Variants in CEP126 observed in about 807,000 individuals in gnomAD.
CEP126 encodes the protein centrosomal protein 126.
A neutral mutation model predicts 107.8 loss-of-function variants in CEP126; 74 were observed. That is an observed-to-expected ratio of 0.69 (90% CI 0.57 to 0.83). The LOEUF is 0.83. CEP126 is among the 40% of genes least tolerant of loss of function. The pLI is 0.00. For synonymous variants in CEP126, 449 were observed against 446.0 expected, an observed-to-expected ratio of 1.01 and a Z score of -0.08; for missense variants, 1,237 against 1,281.9, an observed-to-expected ratio of 0.96 and a Z score of 0.53.
intron 2 of CEP126, among the ~76,000 whole-genome samples, chr11:101,924,664 C>T (rs1235655620): frequency 2.0e-5 from 3 of 152,082 alleles, no homozygotes; most frequent in African/African-American, 4.8e-5. Flanking sequence ...GACAAGGTTT[C>T]GCCATGTTGG....
intron 2 of CEP126, among the ~76,000 whole-genome samples, chr11:101,936,049 A>T (rs1940573932): frequency 6.6e-6 from 1 of 152,126 alleles, no homozygotes. Context: ...TTTCCCTATA[A>T]ATAAATCTGC....
In CEP126 at chr11:101,948,064, C is replaced by A. The variant is rs141137406; in HGVS notation, c.428C>A (p.Ala143Asp). The A allele has an allele frequency of 4.0e-5, 64 of 1,611,460 alleles. 1 individual carries two copies. In the African/African-American group the frequency reaches 6.0e-4, roughly 15 times the overall value. The change falls in exon 4 of 11, where the codon GCC becomes GAC. Residue 143 changes from alanine (A) to aspartate (D), a missense_variant. Around this residue, in one of 3 missense-constraint regions of CEP126, gnomAD observed 1,134 missense variants for 1,150.5 expected, o/e 0.99. Coordinates refer to ENST00000263468, the MANE Select transcript of CEP126 (RefSeq NM_020802.4). ...AAACCAGTTCCTCCATTAGAAGAGG[C>A]CCTCAAACAAATTCAGGAATCCAAC... ...SRKPVPPLEE[A>D]LKQIQESNLK...
At chr11:101,993,178 T>C (rs559142491) in intron 10 of CEP126, among the ~76,000 whole-genome samples, 36 of 152,248 alleles carry the variant, frequency 2.4e-4, no homozygotes, top group African/African-American at 8.2e-4. Context: ...GAGTACCTGA[T>C]AGGTAGTTTT....
chr11:101,971,458 C>CAGTTA, intron 6 of CEP126, among the ~76,000 whole-genome samples: 1 of 152,098 alleles, frequency 6.6e-6, no homozygotes, highest in Non-Finnish European at 1.5e-5. Context: ...AAATCAAAAC[C>CAGTTA]AGTTAAGTTC....
chr11:101,984,852 A>G (rs1377419168), intron 8 of CEP126, among the ~76,000 whole-genome samples: 1 of 152,204 alleles, frequency 6.6e-6, no homozygotes, highest in Non-Finnish European at 1.5e-5. Context: ...AAAAAAATAA[A>G]ATACAGTGTA....
intron 6 of CEP126, among the ~76,000 whole-genome samples, chr11:101,964,139 C>G (rs765940322): frequency 6.6e-6 from 1 of 150,422 alleles, no homozygotes; most frequent in Non-Finnish European, 1.5e-5. Context: ...AATCCCATCT[C>G]TACTAATAGA....
intron 2 of CEP126, among the ~76,000 whole-genome samples, chr11:101,930,419 C>T (rs1449643177): frequency 6.6e-6 from 1 of 152,080 alleles, no homozygotes; most frequent in Non-Finnish European, 1.5e-5. Flanking sequence ...TGTGTCCCTT[C>T]TGGTGGGTTC....
intron 6 of CEP126, among the ~76,000 whole-genome samples, chr11:101,978,080 T>A (rs1247559682): frequency 6.6e-6 from 1 of 152,232 alleles, no homozygotes; most frequent in African/African-American, 2.4e-5. Flanking sequence ...TGGATTATCT[T>A]ACACAATCTT....
chr11:101,998,592 C>CGAAAAAAAAAAAA lies in CEP126; in HGVS notation c.*949_*950insGAAAAAAAAAAAA, dbSNP rs755682599. 1 of 57,452 alleles carries CGAAAAAAAAAAAA rather than the reference C, an allele frequency of 1.7e-5. No individual in the cohort carries two copies. Among genetic ancestry groups the CGAAAAAAAAAAAA allele is most frequent in the African/African-American group, 8.6e-5 (1 of 11,662 alleles). 3.6% of individuals were successfully genotyped at this position (57,452 alleles called of 1,614,324 possible). A position where few individuals can be genotyped will look rare whatever the true frequency, so the allele number is the denominator to read the frequency against. ...TGGGTGACAGTGTGAGACCCAGCCT[C>CGAAAAAAAAAAAA]AAAAAAAAAAAAAAAAAAGTGATGA... On this transcript the variant is annotated 3_prime_UTR_variant, in exon 11 of 11. Coordinates refer to ENST00000263468, the MANE Select transcript of CEP126 (RefSeq NM_020802.4).
intron 2 of CEP126, among the ~76,000 whole-genome samples, chr11:101,933,711 T>TG (rs1940533294): frequency 6.6e-6 from 1 of 152,038 alleles, no homozygotes; most frequent in Non-Finnish European, 1.5e-5. Context: ...CCTAGCACCC[T>TG]GATAGTATCC....
intron 2 of CEP126, among the ~76,000 whole-genome samples, chr11:101,931,157 T>G (rs1178442168): frequency 6.6e-6 from 1 of 152,190 alleles, no homozygotes; most frequent in Non-Finnish European, 1.5e-5. Context: ...TTTAGTTAAT[T>G]GATATGTTTC....
Position 101,980,849 on chromosome 11 carries a change from A to G in CEP126, c.2959-1040A>G, listed in dbSNP as rs191644045. On this transcript the variant is annotated intron_variant, in intron 7 of 10. Coordinates refer to ENST00000263468, the MANE Select transcript of CEP126 (RefSeq NM_020802.4). ...TTTCAGTCCAAGGTATCTCAAGTCT[A>G]TAATGGAGATCAAACAAGACTATGA... Among the ~76,000 whole-genome samples, 267 of 152,348 alleles carry G rather than the reference A, an allele frequency of 1.8e-3. 1 individual carries two copies. The highest frequency in any genetic ancestry group is 6.2e-3 in the African/African-American group (258 of 41,582).
At chr11:101,936,104 G>C (rs1036009475) in intron 2 of CEP126, among the ~76,000 whole-genome samples, 1 of 152,120 alleles carries the variant, frequency 6.6e-6, no homozygotes, top group Non-Finnish European at 1.5e-5. Flanking sequence ...TCAATTTAGA[G>C]AGACTTGATA....
chr11:101,957,528 G>A (rs1162157003), intron 4 of CEP126, among the ~76,000 whole-genome samples: 1 of 152,114 alleles, frequency 6.6e-6, no homozygotes, highest in African/African-American at 2.4e-5. Context: ...GCATAGTAAA[G>A]GTAGACTCTA....
Position 102,000,203 on chromosome 11 carries a change from A to T in CEP126, c.*2560A>T, listed in dbSNP as rs1031335085. 2.6e-5 allele frequency: 4 copies of T among 152,178 alleles called. No individual in the cohort carries two copies. The highest frequency in any genetic ancestry group is 7.2e-5 in the African/African-American group (3 of 41,434). The allele number at this position is 152,178 out of a possible 1,614,324, so 9.4% of individuals were successfully genotyped here. The stretch of plus-strand genomic sequence containing the variant: ...AAAAATGAATAAATAAAATAAAAAT[A>T]AAAATGTTACTTTTTAAAAAGTAAC... On this transcript the variant is annotated 3_prime_UTR_variant, in exon 11 of 11. Coordinates refer to ENST00000263468, the MANE Select transcript of CEP126 (RefSeq NM_020802.4).
rs1167288428 is a variant in CEP126, at chr11:101,963,206, A to T, written c.2171A>T (p.His724Leu). 1 of 1,613,958 alleles carries T rather than the reference A, an allele frequency of 6.2e-7. No homozygotes were observed. Among genetic ancestry groups the T allele is most frequent in the Admixed American group, 1.7e-5 (1 of 60,008 alleles). The change falls in exon 6 of 11, where the codon CAT becomes CTT. Residue 724 changes from histidine to leucine, a missense_variant. By Grantham distance (99) the His-to-Leu change is moderately conservative. Transcript: ENST00000263468. ...FIPSGYNFAK[H>L]AWPASKKEES... ...CCTTCAGGTTATAACTTTGCTAAAC[A>T]TGCCTGGCCAGCCTCAAAAAAAGAA... is the stretch of plus-strand genomic sequence containing the variant.
intron 9 of CEP126, among the ~76,000 whole-genome samples, chr11:101,987,967 T>TAA (rs3043916): frequency 2.1e-5 from 3 of 145,724 alleles, no homozygotes; most frequent in African/African-American, 2.5e-5. Flanking sequence ...AGCCTACAAT[T>TAA]AAAAAAAAAG....
At chr11:101,983,040 C>T (rs574724329) in intron 8 of CEP126, among the ~76,000 whole-genome samples, 5 of 152,300 alleles carry the variant, frequency 3.3e-5, no homozygotes, top group African/African-American at 1.2e-4. Context: ...GATACATGTA[C>T]CAATGGCAGA....
In CEP126 at chr11:102,000,418, C is replaced by T. The variant is rs1301134385; in HGVS notation, c.*2775C>T. ...TAATCTCAGGCCGGACATGCTGGCT[C>T]ATACCTGTAATCCCAGAACTTTGGG... is the stretch of plus-strand genomic sequence containing the variant. On this transcript the variant is annotated 3_prime_UTR_variant, in exon 11 of 11. Transcript: ENST00000263468. The T allele has an allele frequency of 6.6e-6, 1 of 151,844 alleles. No homozygotes were observed. The highest frequency in any genetic ancestry group is 1.5e-5 in the Non-Finnish European group (1 of 67,950). 9.4% of individuals were successfully genotyped at this position (151,844 alleles called of 1,614,324 possible). A position where few individuals can be genotyped will look rare whatever the true frequency, so the allele number is the denominator to read the frequency against.
Sources: allele counts gnomAD v4.1 joint callset (sites outside exome capture counted in the v4.1 genomes callset), GRCh38; gene constraint gnomAD v4.1.1; regional missense constraint gnomAD v4.1.1; transcripts MANE v1.5; gene names NCBI Gene and HGNC (gene_info 2026-07-23, HGNC 2026-07-21).